The following PCDHAC1 variants were observed in gnomAD, a reference collection of about 807,000 sequenced individuals.
PCDHAC1 encodes the protein protocadherin alpha subfamily C, 1, also known as protocadherin alpha-C1.
Under a neutral mutation model 60.0 loss-of-function variants are expected in PCDHAC1, and 42 were observed. The ratio of observed to expected loss-of-function variants is 0.70; its 90% confidence interval spans 0.55 to 0.90. The LOEUF is 0.90. Ranked by LOEUF, PCDHAC1 falls within the 40% of genes least tolerant of loss-of-function variation. The pLI is 0.00. For missense variants in PCDHAC1, 1,160 were observed against 1,222.3 expected (o/e 0.95, Z 0.76); for synonymous variants, 468 against 499.3 (o/e 0.94, Z 0.84).
In PCDHAC1 at chr5:141,011,948, A is replaced by G. The variant is rs1011232437; in HGVS notation, c.*2011A>G. ...TAGGAGTCTGTTATTTAAAAAAAGC[A>G]TTAAATTTAAAAAAAAACTGTCTTG... On this transcript the variant is annotated 3_prime_UTR_variant, in exon 4 of 4. Transcript: ENST00000253807. 3 of 153,698 alleles carry G rather than the reference A, an allele frequency of 2.0e-5. No homozygotes were observed. The highest frequency in any genetic ancestry group is 4.4e-5 in the Non-Finnish European group (3 of 68,026). The allele number at this position is 153,698 out of a possible 1,614,324, so 9.5% of individuals were successfully genotyped here.
intron 1 of PCDHAC1, among the ~76,000 whole-genome samples, chr5:140,976,067 T>C (rs1554237245): frequency 6.6e-6 from 1 of 152,218 alleles, no homozygotes; most frequent in Non-Finnish European, 1.5e-5. Flanking sequence ...ATATATGTCT[T>C]ACTGTGTCAG....
At chr5:140,972,001 A>G (rs2096512667) in intron 1 of PCDHAC1, among the ~76,000 whole-genome samples, 1 of 152,202 alleles carries the variant, frequency 6.6e-6, no homozygotes, top group African/African-American at 2.4e-5. Context: ...CAATGTTTAT[A>G]TTCCCTTTTA....
chr5:140,971,529 T>G (rs782358590), intron 1 of PCDHAC1, among the ~76,000 whole-genome samples: 1 of 152,176 alleles, frequency 6.6e-6, no homozygotes, highest in East Asian at 1.9e-4. Flanking sequence ...GTTCTGAAAG[T>G]CATCATTGCC....
intron 3 of PCDHAC1, among the ~76,000 whole-genome samples, chr5:141,000,510 C>G (rs1197965439): frequency 5.6e-5 from 8 of 143,864 alleles, no homozygotes; most frequent in South Asian, 4.5e-4. Context: ...TCACTGCAAC[C>G]TCCTTCTCCA....
chr5:141,006,224 T>A (rs1265190589), intron 3 of PCDHAC1, among the ~76,000 whole-genome samples: 1 of 152,072 alleles, frequency 6.6e-6, no homozygotes, highest in African/African-American at 2.4e-5. Flanking sequence ...TTAAATTTTT[T>A]ATTTTTAGAT....
intron 1 of PCDHAC1, among the ~76,000 whole-genome samples, chr5:140,974,769 T>C (rs1487371754): frequency 6.6e-6 from 1 of 152,238 alleles, no homozygotes; most frequent in Non-Finnish European, 1.5e-5. Context: ...ATTACAGGTA[T>C]GAGCCACTGC....
At chr5:140,991,682 C>G (rs1234700322) in intron 3 of PCDHAC1, among the ~76,000 whole-genome samples, 2 of 152,170 alleles carry the variant, frequency 1.3e-5, no homozygotes, top group Non-Finnish European at 2.9e-5. Context: ...TCTGAGTCCT[C>G]TCTAGTAGAG....
chr5:140,967,976 C>T (rs2096205972), intron 1 of PCDHAC1: 3 of 1,614,222 alleles, frequency 1.9e-6, no homozygotes, highest in Non-Finnish European at 2.5e-6. Context: ...GAGCCTGGGT[C>T]TGGAGGCCAC....
intron 1 of PCDHAC1, chr5:140,929,570 A>G (rs1563117537): frequency 2.2e-6 from 1 of 458,222 alleles, no homozygotes; most frequent in South Asian, 1.1e-4. Flanking sequence ...TAAGAACAAT[A>G]AAAGTAATAT....
intron 3 of PCDHAC1, among the ~76,000 whole-genome samples, chr5:140,985,834 G>T (rs550087572): frequency 1.3e-5 from 2 of 150,860 alleles, no homozygotes; most frequent in South Asian, 4.2e-4. Flanking sequence ...CTGCCTCCCG[G>T]GTTCATGCCA....
At chr5:140,963,421 T>C (rs1554226598) in intron 1 of PCDHAC1, among the ~76,000 whole-genome samples, 2 of 152,252 alleles carry the variant, frequency 1.3e-5, no homozygotes, top group African/African-American at 4.8e-5. Flanking sequence ...ACAGCATGTT[T>C]AGGAACTAAC....
intron 3 of PCDHAC1, among the ~76,000 whole-genome samples, chr5:141,000,417 A>ATT (rs1563652061): frequency 3.2e-4 from 25 of 77,724 alleles, no homozygotes; most frequent in African/African-American, 1.1e-3. Context: ...ATATATATAT[A>ATT]TATATTTTTT....
At chr5:140,940,987 T>A (rs1239979893) in intron 1 of PCDHAC1, among the ~76,000 whole-genome samples, 2 of 152,190 alleles carry the variant, frequency 1.3e-5, no homozygotes, top group African/African-American at 4.8e-5. Flanking sequence ...TAGTTACAAG[T>A]TTATAGGATT....
intron 1 of PCDHAC1, chr5:140,968,417 G>T (rs1459159857): frequency 3.7e-6 from 6 of 1,614,036 alleles, no homozygotes; most frequent in Non-Finnish European, 5.1e-6. Flanking sequence ...GACTGTGGAG[G>T]CTCAGGACAA....
At chr5:140,955,990 T>C (rs246015) in intron 1 of PCDHAC1, among the ~76,000 whole-genome samples, 48,106 of 152,064 alleles carry the variant, frequency 0.32, 7,958 homozygotes, top group East Asian at 0.53. Context: ...TTTTTGCACA[T>C]TGATTTTGTA....
chr5:140,963,895 T>C (rs1331133094), intron 1 of PCDHAC1, among the ~76,000 whole-genome samples: 2 of 152,224 alleles, frequency 1.3e-5, no homozygotes, highest in Non-Finnish European at 2.9e-5. Flanking sequence ...TTAATTAAAA[T>C]GAGTAAAGTG....
intron 1 of PCDHAC1, among the ~76,000 whole-genome samples, chr5:140,953,085 A>G (rs1197965470): frequency 2.0e-5 from 3 of 152,246 alleles, no homozygotes; most frequent in African/African-American, 4.8e-5. Flanking sequence ...ATTGGGGATT[A>G]CAATTTGACA....
chr5:140,965,260 G>A (rs1188138728), intron 1 of PCDHAC1, among the ~76,000 whole-genome samples: 1 of 152,202 alleles, frequency 6.6e-6, no homozygotes, highest in Non-Finnish European at 1.5e-5. Context: ...GAACTGAGCA[G>A]CAGAGGCAAT....
chr5:140,982,506 C>G lies in PCDHAC1; in HGVS notation c.2524C>G (p.Arg842Gly). The change falls in exon 3 of 4, where the codon CGG (arginine) becomes GGG (glycine). Residue 842 changes from arginine to glycine, a missense_variant. This residue lies in a region of PCDHAC1 where 1,113 missense variants were observed against 1,163.7 expected (regional missense o/e 0.96). Transcript: ENST00000253807. ...SVHLEEAGIL[R>G]AGPGGPDQQW... Reference sequence around the variant, plus strand: ...GCACCTAGAGGAGGCTGGCATTCTACGGGCTGGTCCAGGAGGGCCTGATCA... The same window carrying G: ...GCACCTAGAGGAGGCTGGCATTCTAGGGGCTGGTCCAGGAGGGCCTGATCA... 6.2e-7 allele frequency: 1 copy of G among 1,614,162 alleles called. No homozygotes were observed. Among genetic ancestry groups the G allele is most frequent in the Non-Finnish European group, 8.5e-7 (1 of 1,180,032 alleles).
Sources: gnomAD v4.1 joint callset for allele counts (sites outside exome capture counted in the v4.1 genomes callset) on GRCh38, gnomAD v4.1.1 for gene constraint, gnomAD v4.1.1 regional missense constraint, MANE v1.5 for transcripts, NCBI Gene and HGNC (gene_info 2026-07-23, HGNC 2026-07-21) for gene names.